LRRC7: variants seen among roughly 807,000 people sequenced by gnomAD.
The protein encoded by LRRC7 is leucine rich repeat containing 7, also known as leucine-rich repeat-containing protein 7.
Under a neutral mutation model 175.7 loss-of-function variants are expected in LRRC7, and 23 were observed. That is an observed-to-expected ratio of 0.13 (90% confidence interval 0.09 to 0.19). The LOEUF is 0.19. Among genes scored for constraint, LRRC7 ranks in the 10% least tolerant of loss-of-function variants. LRRC7 has a pLI of 1.00. For missense variants in LRRC7, 1,354 were observed against 1,904.7 expected (o/e 0.71, Z 5.38); for synonymous variants, 685 against 680.9 (o/e 1.01, Z -0.09).
intron 2 of LRRC7, among the ~76,000 whole-genome samples, chr1:69,719,803 A>T (rs1252558648): frequency 6.6e-6 from 1 of 151,684 alleles, no homozygotes; most frequent in Non-Finnish European, 1.5e-5. Flanking sequence ...AAAACCACTC[A>T]AAAGATAACC....
chr1:69,851,628 T>C (rs1046532368), intron 7 of LRRC7, among the ~76,000 whole-genome samples: 1 of 152,022 alleles, frequency 6.6e-6, no homozygotes, highest in Non-Finnish European at 1.5e-5. Context: ...CTATAAAGCA[T>C]GGAGAGTCAT....
intron 22 of LRRC7, among the ~76,000 whole-genome samples, chr1:70,048,784 C>T (rs1032611335): frequency 1.3e-5 from 2 of 152,056 alleles, no homozygotes; most frequent in African/African-American, 2.4e-5. Flanking sequence ...GATCCACTTG[C>T]GTTTCCTGAG....
intron 23 of LRRC7, among the ~76,000 whole-genome samples, chr1:70,065,674 T>C (rs1233451743): frequency 6.6e-6 from 1 of 151,914 alleles, no homozygotes; most frequent in African/African-American, 2.4e-5. Context: ...TGGAAATATC[T>C]AGGGGTGAAA....
At chr1:69,908,716 TGG>T in intron 7 of LRRC7, among the ~76,000 whole-genome samples, 1 of 40,958 alleles carries the variant, frequency 2.4e-5, no homozygotes, top group African/African-American at 1.0e-4. Flanking sequence ...GTGTGGTGTG[TGG>T]TGTGGTGCTG....
At chr1:69,648,318 T>C (rs1655295594) in intron 1 of LRRC7, among the ~76,000 whole-genome samples, 1 of 152,076 alleles carries the variant, frequency 6.6e-6, no homozygotes, top group East Asian at 1.9e-4. Flanking sequence ...AATTGTATGG[T>C]TCTGTGGGAG....
intron 7 of LRRC7, chr1:69,873,406 G>A: frequency 1.9e-6 from 1 of 532,742 alleles, no homozygotes; most frequent in Middle Eastern, 3.2e-4. Context: ...AATTATTTTA[G>A]TCACCTTCTG....
At chr1:69,633,084 T>C (rs1652765291) in intron 1 of LRRC7, among the ~76,000 whole-genome samples, 1 of 152,016 alleles carries the variant, frequency 6.6e-6, no homozygotes, top group South Asian at 2.1e-4. Context: ...TTTTTAAATC[T>C]TCCATGATTA....
chr1:69,743,613 G>A (rs1363167278), intron 2 of LRRC7, among the ~76,000 whole-genome samples: 1 of 151,960 alleles, frequency 6.6e-6, no homozygotes, highest in Non-Finnish European at 1.5e-5. Context: ...CATTGAAAGT[G>A]GGAAATGATA....
chr1:69,741,582 G>A (rs543267272), intron 2 of LRRC7, among the ~76,000 whole-genome samples: 3 of 151,942 alleles, frequency 2.0e-5, no homozygotes, highest in South Asian at 2.1e-4. Flanking sequence ...AGTGATTAGC[G>A]TAGAAAGAGA....
chr1:69,751,402 G>T (rs1337113762), intron 2 of LRRC7, among the ~76,000 whole-genome samples: 5 of 151,818 alleles, frequency 3.3e-5, no homozygotes, highest in African/African-American at 9.7e-5. Flanking sequence ...AGATGGCAAG[G>T]GTCTGAATTA....
intron 7 of LRRC7, among the ~76,000 whole-genome samples, chr1:69,908,594 GAGTTCT>G (rs1206508544): frequency 1.3e-5 from 2 of 151,924 alleles, no homozygotes; most frequent in East Asian, 3.9e-4. Context: ...TGTTAGTCCT[GAGTTCT>G]AGTTTGATTG....
In LRRC7 at chr1:69,785,729, T is replaced by G. The variant is rs143185524; in HGVS notation, c.304-6314T>G. ...TTAACTTGAATATTTAACTTTGATCTAAAGTTAATCAGTATCTTTGCCTTC... is the reference window on the plus strand; with the variant it reads ...TTAACTTGAATATTTAACTTTGATCGAAAGTTAATCAGTATCTTTGCCTTC... On this transcript the variant is annotated intron_variant, in intron 3 of 26. Transcript: ENST00000651989. Among the ~76,000 whole-genome samples, 250 of 152,262 alleles carry G rather than the reference T, an allele frequency of 1.6e-3. 6 individuals are homozygous for G. In the East Asian group the frequency reaches 0.045, roughly 27 times the overall value.
chr1:69,831,096 G>A (rs1327517140), intron 5 of LRRC7, among the ~76,000 whole-genome samples: 1 of 151,866 alleles, frequency 6.6e-6, no homozygotes, highest in African/African-American at 2.4e-5. Context: ...ACTGAGAGAA[G>A]CTGCATAGTT....
chr1:70,021,167 T>C (rs1657453711), intron 16 of LRRC7, 38 bp downstream of exon 16: 1 of 1,587,884 alleles, frequency 6.3e-7, no homozygotes, highest in Non-Finnish European at 8.6e-7. Context: ...TTCTTCTCCT[T>C]ATCTTTTTGT....
At chr1:69,810,958 A>G (rs1677776910) in intron 4 of LRRC7, among the ~76,000 whole-genome samples, 1 of 152,222 alleles carries the variant, frequency 6.6e-6, no homozygotes, top group Non-Finnish European at 1.5e-5. Flanking sequence ...CTGCACAGCA[A>G]AAGAAACTAT....
chr1:70,072,087 GAC>G (rs1410923671), intron 23 of LRRC7, among the ~76,000 whole-genome samples: 1 of 152,074 alleles, frequency 6.6e-6, no homozygotes, highest in Non-Finnish European at 1.5e-5. Context: ...TGTAAACTTT[GAC>G]AGTTTTTTAG....
chr1:69,725,284 T>C (rs1034778510), intron 2 of LRRC7, among the ~76,000 whole-genome samples: 2 of 152,082 alleles, frequency 1.3e-5, no homozygotes. Flanking sequence ...GGTTGCTCTT[T>C]CCATCTTGGA....
chr1:69,796,640 A>G (rs1675809013), intron 4 of LRRC7, among the ~76,000 whole-genome samples: 1 of 152,062 alleles, frequency 6.6e-6, no homozygotes, highest in Non-Finnish European at 1.5e-5. Flanking sequence ...CAACAAGAAG[A>G]AAAATTAGCC....
rs1666617202 is a variant in LRRC7, at chr1:70,130,443, C to A, written c.*8556C>A. Among the ~76,000 whole-genome samples the A allele has an allele frequency of 6.6e-6, 1 of 152,146 alleles. No homozygotes were observed. Among genetic ancestry groups the A allele is most frequent in the African/African-American group, 2.4e-5 (1 of 41,412 alleles). ...CTTCAGTTTGTGTAACCTTAAACTACCAACCTTTCATCTTCTCAGTTGACT... is the reference window on the plus strand; with the variant it reads ...CTTCAGTTTGTGTAACCTTAAACTAACAACCTTTCATCTTCTCAGTTGACT... On this transcript the variant is annotated 3_prime_UTR_variant, in exon 27 of 27. Coordinates refer to ENST00000651989, the MANE Select transcript of LRRC7 (RefSeq NM_001370785.2).
Sources: gnomAD v4.1 joint callset for allele counts (sites outside exome capture counted in the v4.1 genomes callset) on GRCh38, gnomAD v4.1.1 for gene constraint, MANE v1.5 for transcripts, NCBI Gene and HGNC (gene_info 2026-07-23, HGNC 2026-07-21) for gene names.